The following ZNF423 variants were observed in gnomAD, a reference collection of about 807,000 sequenced individuals.
ZNF423 encodes the protein Ebf-associated zinc finger protein.
A neutral mutation model predicts 95.8 loss-of-function variants in ZNF423; 12 were observed. That is an observed-to-expected ratio of 0.13 (90% confidence interval 0.08 to 0.20). The LOEUF (loss-of-function observed/expected upper bound fraction) is 0.20. Ranked by LOEUF, ZNF423 falls within the 10% of genes least tolerant of loss-of-function variation. The pLI is 1.00. For missense variants in ZNF423, 1,316 were observed against 1,737.1 expected (o/e 0.76, Z 4.31); for synonymous variants, 749 against 711.9 (o/e 1.05, Z -0.83).
At chr16:49,578,050 C>A (rs1008776864) in intron 5 of ZNF423, among the ~76,000 whole-genome samples, 4 of 152,218 alleles carry the variant, frequency 2.6e-5, no homozygotes, top group African/African-American at 9.6e-5. Flanking sequence ...ATCAACAGAG[C>A]CTAGAGCCAC....
At chr16:49,789,310 G>A (rs898301827) in intron 2 of ZNF423, among the ~76,000 whole-genome samples, 177 bp downstream of exon 2, 3 of 152,302 alleles carry the variant, frequency 2.0e-5, no homozygotes, top group South Asian at 4.1e-4. Context: ...GTATGTAATA[G>A]ATTTTATTGA....
intron 7 of ZNF423, among the ~76,000 whole-genome samples, chr16:49,513,208 G>A (rs543589754): frequency 1.3e-5 from 2 of 152,294 alleles, no homozygotes; most frequent in Non-Finnish European, 2.9e-5. Flanking sequence ...TGACTCCAGC[G>A]TGAGCAACAG....
In ZNF423 at chr16:49,603,298, G is replaced by A. The variant is rs1018790934; in HGVS notation, c.3601+22872C>T. The stretch of plus-strand genomic sequence containing the variant: ...TCCTGTGGGGTTCCTGTCACTCAAA[G>A]AATCTTGCCTCCACACAGCACTGGC... On this transcript the variant is annotated intron_variant, in intron 5 of 7. Transcript: ENST00000563137. The surrounding 1 kb of genome is among the most constrained non-coding windows in gnomAD (Gnocchi z 4.1). Among the ~76,000 whole-genome samples the A allele has an allele frequency of 1.3e-5, 2 of 152,188 alleles. No individual in the cohort carries two copies.
chr16:49,563,464 T>C (rs1482824831), intron 5 of ZNF423, among the ~76,000 whole-genome samples: 1 of 152,162 alleles, frequency 6.6e-6, no homozygotes, highest in Non-Finnish European at 1.5e-5. Context: ...CAGCCTCGGG[T>C]ATTCCTTCAC....
At position 49,712,286 on chromosome 16, in the gene ZNF423, C is replaced by T. The variant is rs534095672; in HGVS notation, c.301+18485G>A. Among the ~76,000 whole-genome samples, 266 of 152,308 alleles carry T rather than the reference C, an allele frequency of 1.7e-3. 1 individual carries two copies. The highest frequency in any genetic ancestry group is 5.9e-3 in the African/African-American group (247 of 41,550). On this transcript the variant is annotated intron_variant, in intron 3 of 7. Transcript: ENST00000563137. ...ATTGGTCACAGAAGGAACGGGCGCC[C>T]GCACTGCTAATGCACGGTGGGGCTC...
chr16:49,842,386 AAGGAAGGAAGGAAGGAAGGAAGGAAGGC>A, intron 1 of ZNF423, among the ~76,000 whole-genome samples: 2 of 105,980 alleles, frequency 1.9e-5, no homozygotes, highest in African/African-American at 3.8e-5. Flanking sequence ...GGAAGGAAGG[AAGGAAGGAAGGAAGGAAGGAAGGAAGGC>A]AGGCAGGCAG....
chr16:49,824,217 A>ACAGCCAGGCATTGCGTCTC lies in ZNF423; in HGVS notation c.40+31499_40+31517dup, dbSNP rs562411666. 1.6e-4 allele frequency among the ~76,000 whole-genome samples: 24 copies of ACAGCCAGGCATTGCGTCTC among 152,306 alleles called. No individual in the cohort carries two copies. The East Asian group carries it at 4.6e-3, about 29-fold the overall frequency. ...AGCTACCCAAGAGACTTCTAAGCCC[A>ACAGCCAGGCATTGCGTCTC]CAGCCAGGCATTGCGTCTCCAGCCA... On this transcript the variant is annotated intron_variant, in intron 1 of 7. Transcript: ENST00000563137.
At chr16:49,686,396 C>T (rs1014591360) in intron 3 of ZNF423, among the ~76,000 whole-genome samples, 6 of 152,146 alleles carry the variant, frequency 3.9e-5, no homozygotes, top group African/African-American at 1.4e-4. Flanking sequence ...GGGGACCACA[C>T]CGTCATGAAT....
chr16:49,815,209 G>A (rs751799713), intron 1 of ZNF423, among the ~76,000 whole-genome samples: 13 of 152,180 alleles, frequency 8.5e-5, no homozygotes, highest in Non-Finnish European at 1.8e-4. Context: ...CAGTAAATTT[G>A]GCCATTCTTA....
chr16:49,552,038 C>T (rs565390627), intron 5 of ZNF423, among the ~76,000 whole-genome samples: 51 of 152,320 alleles, frequency 3.3e-4, no homozygotes, highest in East Asian at 7.7e-4. Context: ...AAAATATGGG[C>T]TTTTGGCTTC....
chr16:49,813,451 C>G (rs1185683414), intron 1 of ZNF423, among the ~76,000 whole-genome samples: 1 of 152,160 alleles, frequency 6.6e-6, no homozygotes, highest in Admixed American at 6.5e-5. Context: ...CGCCCCTAAC[C>G]CTAACCTCAA....
chr16:49,822,874 C>T (rs2034962108), intron 1 of ZNF423: 1 of 586,374 alleles, frequency 1.7e-6, no homozygotes, highest in Admixed American at 3.6e-5. Flanking sequence ...CCCAGGTAGT[C>T]ATCTACGCAG....
intron 5 of ZNF423, among the ~76,000 whole-genome samples, chr16:49,621,126 T>G (rs1596729123): frequency 3.3e-5 from 5 of 150,792 alleles, no homozygotes; most frequent in East Asian, 2.0e-4. Context: ...TCGGAGGGGG[T>G]GAAGGGGAGG....
chr16:49,518,198 A>G (rs1968233668), intron 7 of ZNF423: 1 of 381,026 alleles, frequency 2.6e-6, no homozygotes, highest in South Asian at 2.0e-5. Context: ...TGTGTTGACC[A>G]CATGCACTTG....
At chr16:49,815,900 ATATATATATATATATTT>A (rs1567356366) in intron 1 of ZNF423, among the ~76,000 whole-genome samples, 114 of 45,980 alleles carry the variant, frequency 2.5e-3, no homozygotes, top group Middle Eastern at 8.9e-3. Context: ...ATATATATAT[ATATATATATATATATTT>A]TTTTTTTTTT....
intron 5 of ZNF423, among the ~76,000 whole-genome samples, chr16:49,549,938 T>C (rs1048398820): frequency 9.2e-5 from 14 of 152,028 alleles, no homozygotes; most frequent in Non-Finnish European, 1.5e-4. Flanking sequence ...AGTGGTGCAA[T>C]CACCGCTCGC....
intron 3 of ZNF423, among the ~76,000 whole-genome samples, chr16:49,661,748 C>T (rs976233937): frequency 2.0e-5 from 3 of 152,234 alleles, no homozygotes; most frequent in Non-Finnish European, 4.4e-5. Flanking sequence ...AAGCCCTGCA[C>T]CATGGAGGCT....
chr16:49,661,049 T>C (rs139210958), intron 3 of ZNF423, among the ~76,000 whole-genome samples: 72 of 151,984 alleles, frequency 4.7e-4, no homozygotes, highest in Non-Finnish European at 9.4e-4. Flanking sequence ...GGTGAAACCT[T>C]GTCTCTACTA....
At chr16:49,814,647 C>G (rs2034808224) in intron 1 of ZNF423, among the ~76,000 whole-genome samples, 1 of 151,802 alleles carries the variant, frequency 6.6e-6, no homozygotes, top group Non-Finnish European at 1.5e-5. Context: ...AATCAATTGG[C>G]TTGCTATAAG....
Sources: gnomAD v4.1 joint callset for allele counts (sites outside exome capture counted in the v4.1 genomes callset) on GRCh38, gnomAD v4.1.1 for gene constraint, Gnocchi (gnomAD v3.1) non-coding constraint, MANE v1.5 for transcripts, NCBI Gene and HGNC (gene_info 2026-07-23, HGNC 2026-07-21) for gene names.